The following ARHGEF18 variants were observed in gnomAD, a reference collection of about 807,000 sequenced individuals.
The protein encoded by ARHGEF18 is Rho/Rac guanine nucleotide exchange factor 18.
A neutral mutation model predicts 155.7 loss-of-function variants in ARHGEF18; 93 were observed. That is an observed-to-expected ratio of 0.60 (90% confidence interval 0.50 to 0.71). The LOEUF is 0.71. Ranked by LOEUF, ARHGEF18 falls within the 30% of genes least tolerant of loss-of-function variation. The pLI is 0.00. For missense variants in ARHGEF18, 1,593 were observed against 1,816.1 expected (o/e 0.88, Z 2.23); for synonymous variants, 742 against 753.1 (o/e 0.99, Z 0.24).
At chr19:7,438,127 G>C (rs1400761439) in intron 10 of ARHGEF18, among the ~76,000 whole-genome samples, 2 of 143,422 alleles carry the variant, frequency 1.4e-5, no homozygotes, top group African/African-American at 5.2e-5. Context: ...TTTCGAGAAG[G>C]TCCCGCTCTG....
intron 1 of ARHGEF18, among the ~76,000 whole-genome samples, chr19:7,349,639 G>A (rs749918964): frequency 9.9e-5 from 15 of 152,046 alleles, no homozygotes; most frequent in African/African-American, 1.4e-4. Flanking sequence ...TTAGCCAGGC[G>A]TGGTGGCGGG....
chr19:7,423,405 G>C (rs1347990704), intron 10 of ARHGEF18, among the ~76,000 whole-genome samples: 1 of 151,998 alleles, frequency 6.6e-6, no homozygotes, highest in Non-Finnish European at 1.5e-5. Context: ...AGGGGAGCCT[G>C]GTCATTAATT....
At chr19:7,436,074 G>A (rs1365681274) in intron 10 of ARHGEF18, among the ~76,000 whole-genome samples, 1 of 152,048 alleles carries the variant, frequency 6.6e-6, no homozygotes, top group African/African-American at 2.4e-5. Context: ...GCTGTCCCTG[G>A]TCATGACCCC....
rs1360908951 is a variant in ARHGEF18 at position 7,472,150 on chromosome 19, T to C, written c.*1852T>C. The C allele has an allele frequency of 6.6e-6, 1 of 152,210 alleles. No individual in the cohort carries two copies. Among genetic ancestry groups the C allele is most frequent in the Non-Finnish European group, 1.5e-5 (1 of 68,032 alleles). 9.4% of individuals were successfully genotyped at this position (152,210 alleles called of 1,614,324 possible). On this transcript the variant is annotated 3_prime_UTR_variant, in exon 29 of 29. Coordinates refer to ENST00000668164, the MANE Select transcript of ARHGEF18 (RefSeq NM_001367823.1). ...GGGGAGAAGTTCAAGGAATTTCTGCTCGGCCACGCGGTGGGAACCCCGCGT... is the reference window on the plus strand; with the variant it reads ...GGGGAGAAGTTCAAGGAATTTCTGCCCGGCCACGCGGTGGGAACCCCGCGT...
At chr19:7,427,410 G>A (rs1568324471) in intron 10 of ARHGEF18, among the ~76,000 whole-genome samples, 2 of 152,148 alleles carry the variant, frequency 1.3e-5, no homozygotes, top group Non-Finnish European at 2.9e-5. Context: ...GGAGGCCGAG[G>A]TGGGAGGATT....
In ARHGEF18 at chr19:7,356,129, T is replaced by TAC. The variant is rs1341758887; in HGVS notation, c.-110-6642_-110-6641dup. ...GGCACACACCTCCCTCCAACACACA[T>TAC]ACACACACACATCGGCTGGTGCTCT... is the stretch of plus-strand genomic sequence containing the variant. On this transcript the variant is annotated intron_variant, in intron 1 of 28. Transcript: ENST00000668164. Among the ~76,000 whole-genome samples, 32 of 151,628 alleles carry TAC rather than the reference T, an allele frequency of 2.1e-4. No individual in the cohort carries two copies. In the South Asian group the frequency reaches 5.6e-3, roughly 27 times the overall value.
Position 7,367,758 on chromosome 19 carries a change from A to AAAATATATAT in ARHGEF18, c.15+4854_15+4855insAATATATATA, listed in dbSNP as rs377535487. On this transcript the variant is annotated intron_variant, in intron 2 of 28. Coordinates refer to ENST00000668164, the MANE Select transcript of ARHGEF18 (RefSeq NM_001367823.1). ...TGAAACTCCATCTCAAAAAAAAAAA[A>AAAATATATAT]ATATATATATATATACACATATATA... is the stretch of plus-strand genomic sequence containing the variant. 6.7e-5 allele frequency among the ~76,000 whole-genome samples: 5 copies of AAAATATATAT among 74,114 alleles called. 1 individual carries two copies. Among genetic ancestry groups the AAAATATATAT allele is most frequent in the Non-Finnish European group, 7.2e-5 (3 of 41,682 alleles). The allele number at this position is 74,114 out of a possible 152,430, so 48.6% of individuals were successfully genotyped here. A position where few individuals can be genotyped will look rare whatever the true frequency, so the allele number is the denominator to read the frequency against.
the ARHGEF18 span, among the ~76,000 whole-genome samples, chr19:7,479,230 T>C: frequency 6.6e-6 from 1 of 152,156 alleles, no homozygotes; most frequent in Non-Finnish European, 1.5e-5. Context: ...ACACCTGTAA[T>C]CCCGGGACTT....
chr19:7,479,700 A>G, the ARHGEF18 span, among the ~76,000 whole-genome samples: 1 of 152,252 alleles, frequency 6.6e-6, no homozygotes, highest in East Asian at 1.9e-4. Flanking sequence ...GGCGGGGCAC[A>G]CAGGACTTCG....
chr19:7,380,606 C>T (rs1600236297), intron 7 of ARHGEF18, among the ~76,000 whole-genome samples: 2 of 151,928 alleles, frequency 1.3e-5, no homozygotes, highest in East Asian at 3.9e-4. Context: ...ATTGCTCAAG[C>T]CCCGGAGGTC....
chr19:7,467,288 G>T lies in ARHGEF18; in HGVS notation c.3084G>T (p.Arg1028=). ...AAIQEREKQF[R]LQSTRGNLLL... ...TCCAGGAGCGGGAGAAGCAGTTCCG[G>T]CTGCAGTCGACGCGTGGGAACCTGC... is the stretch of plus-strand genomic sequence containing the variant. The change falls in exon 26 of 29, where the codon CGG becomes CGT. Residue 1028 remains arginine (R), a synonymous_variant. Transcript: ENST00000668164. The T allele has an allele frequency of 1.3e-6, 2 of 1,548,628 alleles. No individual in the cohort carries two copies. The highest frequency in any genetic ancestry group is 1.8e-4 in the Middle Eastern group (1 of 5,628).
chr19:7,380,538 G>C (rs529352282), intron 7 of ARHGEF18, among the ~76,000 whole-genome samples: 4 of 151,302 alleles, frequency 2.6e-5, no homozygotes, highest in African/African-American at 9.7e-5. Flanking sequence ...TTAAAAATTA[G>C]CCAGGCATGG....
downstream of ARHGEF18, among the ~76,000 whole-genome samples, chr19:7,476,331 G>A (rs1217029129): frequency 6.7e-6 from 1 of 148,384 alleles, no homozygotes; most frequent in Admixed American, 6.7e-5. Flanking sequence ...TCAAGGCAGT[G>A]CAATTGATAT....
intron 1 of ARHGEF18, among the ~76,000 whole-genome samples, chr19:7,354,907 C>A (rs1348743922): frequency 6.6e-6 from 1 of 151,722 alleles, no homozygotes; most frequent in Non-Finnish European, 1.5e-5. Context: ...TCAAAACTAA[C>A]AAACAACAAA....
intron 20 of ARHGEF18, among the ~76,000 whole-genome samples, chr19:7,460,321 T>G (rs796910150): frequency 1.3e-5 from 2 of 151,922 alleles, no homozygotes; most frequent in South Asian, 4.2e-4. Context: ...GGCATCCCAG[T>G]CCCATACGAA....
At chr19:7,379,254 AG>A in intron 7 of ARHGEF18, 88 bp downstream of exon 7, 1 of 1,112,132 alleles carries the variant, frequency 9.0e-7, no homozygotes, top group Non-Finnish European at 1.1e-6. Flanking sequence ...TGTAGGAGAC[AG>A]GGGTAGAGAA....
intron 15 of ARHGEF18, among the ~76,000 whole-genome samples, chr19:7,449,100 C>T (rs901117580): frequency 4.6e-5 from 7 of 152,142 alleles, no homozygotes; most frequent in Non-Finnish European, 8.8e-5. Context: ...AATGAAACCT[C>T]CGTCCACGGA....
intron 10 of ARHGEF18, among the ~76,000 whole-genome samples, chr19:7,438,613 G>A (rs547462943): frequency 8.9e-4 from 135 of 151,848 alleles, no homozygotes; most frequent in Non-Finnish European, 1.7e-3. Flanking sequence ...GTTTCTCCAT[G>A]TTGGCTAGGC....
At chr19:7,418,254 T>TTTTTGTTTTG (rs548862942) in intron 10 of ARHGEF18, among the ~76,000 whole-genome samples, 2 of 152,012 alleles carry the variant, frequency 1.3e-5, no homozygotes, top group East Asian at 1.9e-4. Context: ...TTGTGGGGTT[T>TTTTTGTTTTG]TTTTGTTTTG....
Sources: gnomAD v4.1 joint callset for allele counts (sites outside exome capture counted in the v4.1 genomes callset) on GRCh38, gnomAD v4.1.1 for gene constraint, MANE v1.5 for transcripts, NCBI Gene and HGNC (gene_info 2026-07-23, HGNC 2026-07-21) for gene names.